BTBD3: variants seen among roughly 807,000 people sequenced by gnomAD.
BTBD3 encodes BTB/POZ domain-containing protein 3.
A neutral mutation model predicts 41.6 loss-of-function variants in BTBD3; 14 were observed. That is an observed-to-expected ratio of 0.34 (90% CI 0.22 to 0.53). The LOEUF is 0.53. Ranked by LOEUF, BTBD3 falls within the 20% of genes least tolerant of loss-of-function variation. The probability of loss-of-function intolerance (pLI) is 0.95; values close to 1 mark genes in which losing one functional copy is unlikely to be tolerated. For synonymous variants in BTBD3, 249 were observed against 233.7 expected (o/e 1.07, Z -0.60); for missense variants, 426 against 654.7 (o/e 0.65, Z 3.81).
At chr20:11,890,837 G>C (rs1481288433) in exon 1 of BTBD3, 16 of 985,258 alleles carry the variant, frequency 1.6e-5, no homozygotes, top group Non-Finnish European at 1.9e-5. Context: ...CTGCGTGCGG[G>C]TGCCCGCCGA....
At chr20:11,895,474 G>A (rs1031771579) in intron 1 of BTBD3, among the ~76,000 whole-genome samples, 5 of 152,060 alleles carry the variant, frequency 3.3e-5, no homozygotes, top group African/African-American at 4.8e-5. Context: ...TTTCTCCTGC[G>A]TTTTTCACTG....
Position 11,903,395 on chromosome 20 carries a change from A to G in BTBD3, c.-126+12441A>G, listed in dbSNP as rs970247646. Among the ~76,000 whole-genome samples, 38 of 152,162 alleles carry G rather than the reference A, an allele frequency of 2.5e-4. 1 individual carries two copies. Among genetic ancestry groups the G allele is most frequent in the Non-Finnish European group, 5.9e-5 (4 of 68,036 alleles). On this transcript the variant is annotated intron_variant, in intron 1 of 4. Transcript: ENST00000254977. ...TGTAGGAGAAAGCAGATTTTCAGAG[A>G]GAGATGTTTGTTTTCTTGCTGGTTT...
Position 11,918,273 on chromosome 20 carries a change from C to T in BTBD3, c.-3C>T, listed in dbSNP as rs1212574228. ...TAACTCTAAAGAGAGACACACTGTA[C>T]TCATGGTAGATGACAAGGAAAAGAA... is the stretch of plus-strand genomic sequence containing the variant. On this transcript the variant is annotated 5_prime_UTR_variant, in exon 1 of 4. Transcript: ENST00000378226. 1 of 1,572,500 alleles carries T rather than the reference C, an allele frequency of 6.4e-7. No individual in the cohort carries two copies. Among genetic ancestry groups the T allele is most frequent in the African/African-American group, 1.4e-5 (1 of 73,368 alleles).
At chr20:11,897,363 C>G (rs924309152) in intron 1 of BTBD3, among the ~76,000 whole-genome samples, 2 of 151,892 alleles carry the variant, frequency 1.3e-5, no homozygotes, top group Admixed American at 6.6e-5. Flanking sequence ...CCTGCTCCAT[C>G]TGCAGCCTGC....
chr20:11,919,919 G>A, intron 3 of BTBD3, 83 bp downstream of exon 3: 1 of 1,201,182 alleles, frequency 8.3e-7, no homozygotes, highest in Non-Finnish European at 1.2e-6. Context: ...TTTAAGTTCT[G>A]CATAACAGAA....
rs2056936821 is a variant in BTBD3, at chr20:11,918,476, C to T, written c.201C>T (p.Phe67=). The T allele has an allele frequency of 2.0e-5, 33 of 1,614,106 alleles. No homozygotes were observed. The highest frequency in any genetic ancestry group is 2.7e-5 in the Non-Finnish European group (32 of 1,180,012). ...TKKKKMAADI[F]PRKKPANSSS... ...AGAAGAAGATGGCTGCTGATATATT[C>T]CCCCGTAAAAAGCCAGCCAACTCCA... Residue 67 remains phenylalanine (F), a synonymous_variant, in exon 1 of 4, where the codon TTC becomes TTT. Transcript: ENST00000378226.
In BTBD3 at chr20:11,922,686, C is replaced by CT; in HGVS notation, c.592dup (p.Tyr198LeufsTer17). On this transcript the variant is annotated frameshift_variant, in exon 4 of 4. Coordinates refer to ENST00000378226, the MANE Select transcript of BTBD3 (RefSeq NM_014962.4). LOFTEE classifies it high-confidence loss of function. The stretch of plus-strand genomic sequence containing the variant: ...GGCTGCTGACACAGTGCTGGCCACA[C>CT]TTTATGCTGCCAAAAAGTACATTGT... 6.2e-7 allele frequency: 1 copy of CT among 1,614,214 alleles called. No homozygotes were observed. Among genetic ancestry groups the CT allele is most frequent in the Non-Finnish European group, 8.5e-7 (1 of 1,180,036 alleles).
chr20:11,907,181 T>G (rs2056860181), intron 1 of BTBD3, among the ~76,000 whole-genome samples: 1 of 152,158 alleles, frequency 6.6e-6, no homozygotes, highest in Non-Finnish European at 1.5e-5. Flanking sequence ...TTTAATGTAG[T>G]GAAGCCTTAC....
intron 1 of BTBD3, among the ~76,000 whole-genome samples, chr20:11,903,038 G>A (rs1207933219): frequency 6.6e-6 from 1 of 152,018 alleles, no homozygotes; most frequent in African/African-American, 2.4e-5. Flanking sequence ...CAAACCCATA[G>A]CGTTCAAGGG....
At position 11,918,455 on chromosome 20, in the gene BTBD3, GA is replaced by G; in HGVS notation, c.182del (p.Lys61ArgfsTer52). 6.2e-7 allele frequency: 1 copy of G among 1,614,130 alleles called. No individual in the cohort carries two copies. On this transcript the variant is annotated frameshift_variant, in exon 1 of 4. Transcript: ENST00000378226. LOFTEE classifies it high-confidence loss of function. The part of the protein sequence containing the change: ...EIITLKTKKK[K>X]MAADIFPRKK... ...TAATTACCTTGAAGACTAAAAAGAA[GA>G]AGATGGCTGCTGATATATTCCCCCG...
chr20:11,919,367 C>T, intron 2 of BTBD3, 191 bp downstream of exon 2: 4 of 1,413,002 alleles, frequency 2.8e-6, no homozygotes, highest in East Asian at 2.5e-5. Context: ...TTCTATACTG[C>T]TTTATATCTC....
At chr20:11,895,348 C>A (rs1164474709) in intron 1 of BTBD3, among the ~76,000 whole-genome samples, 1 of 152,186 alleles carries the variant, frequency 6.6e-6, no homozygotes, top group Non-Finnish European at 1.5e-5. Context: ...TTAATACATG[C>A]ACAGTTTTAA....
chr20:11,904,880 A>G (rs536672343), intron 1 of BTBD3, among the ~76,000 whole-genome samples: 106 of 152,306 alleles, frequency 7.0e-4, no homozygotes, highest in Non-Finnish European at 1.3e-3. Flanking sequence ...TACTCTTGTT[A>G]TACTTTAAAT....
At chr20:11,922,429 TTTAA>T (rs775662545) in intron 3 of BTBD3, among the ~76,000 whole-genome samples, 31 of 152,360 alleles carry the variant, frequency 2.0e-4, no homozygotes, top group Non-Finnish European at 3.1e-4. Flanking sequence ...AGTTAATATC[TTTAA>T]TTATACAAAC....
chr20:11,890,899 G>C, exon 1 of BTBD3: 1 of 984,958 alleles, frequency 1.0e-6, no homozygotes, highest in Non-Finnish European at 1.2e-6. Flanking sequence ...TGAGGAGCGG[G>C]CACAGGGCAA....
intron 1 of BTBD3, among the ~76,000 whole-genome samples, chr20:11,907,247 G>C (rs572610160): frequency 1.3e-5 from 2 of 152,316 alleles, no homozygotes; most frequent in East Asian, 3.9e-4. Context: ...AGTTGGATTA[G>C]CTGTGAGATT....
rs377754824 is a variant in BTBD3, at chr20:11,898,361, A to ACC, written c.-126+7413_-126+7414dup. ...TTCCTCTGCCTATAATATTTATCCT[A>ACC]CCCCCCCAGCCACCTCTTTCAGGTC... is the stretch of plus-strand genomic sequence containing the variant. On this transcript the variant is annotated intron_variant, in intron 1 of 4. Coordinates refer to the BTBD3 transcript ENST00000254977. Among the ~76,000 whole-genome samples, 1,230 of 150,328 alleles carry ACC rather than the reference A, an allele frequency of 8.2e-3. 11 individuals carry two copies. Among genetic ancestry groups the ACC allele is most frequent in the African/African-American group, 0.029 (1,165 of 40,780 alleles).
rs140411069 is a variant in BTBD3, at chr20:11,923,135, C to T, written c.1038C>T (p.Asn346=). The change falls in exon 4 of 4, where the codon AAC becomes AAT. Residue 346 remains asparagine (N), a synonymous_variant. Coordinates refer to ENST00000378226, the MANE Select transcript of BTBD3 (RefSeq NM_014962.4). This position sits in a 1 kb window ranked among gnomAD's most constrained non-coding sequence, Gnocchi z 5.3. ...GGGTATTAACTCTCAATGAGACCAA[C>T]GACATCTTCCTCTGGTATACTGCAG... is the stretch of plus-strand genomic sequence containing the variant. ...QSGVLTLNET[N]DIFLWYTAAK... is the part of the protein sequence containing the mutation. 9.6e-4 allele frequency: 1,551 copies of T among 1,614,168 alleles called. 36 individuals are homozygous for T. The East Asian group carries it at 0.032, about 33-fold the overall frequency.
chr20:11,898,510 A>G (rs1238472626), intron 1 of BTBD3, among the ~76,000 whole-genome samples: 1 of 152,060 alleles, frequency 6.6e-6, no homozygotes, highest in Non-Finnish European at 1.5e-5. Context: ...CTAAGTTACT[A>G]TTTATTTGTC....
Sources: gnomAD v4.1 joint callset for allele counts (sites outside exome capture counted in the v4.1 genomes callset) on GRCh38, gnomAD v4.1.1 for gene constraint, Gnocchi (gnomAD v3.1) non-coding constraint, MANE v1.5 for transcripts, NCBI Gene and HGNC (gene_info 2026-07-23, HGNC 2026-07-21) for gene names.